NRXN1: variants seen among roughly 807,000 people sequenced by gnomAD.
NRXN1 encodes the protein neurexin-1.
A neutral mutation model predicts 150.9 loss-of-function variants in NRXN1; 39 were observed. The observed-to-expected ratio is 0.26, with a 90% confidence interval of 0.20 to 0.34. The LOEUF (loss-of-function observed/expected upper bound fraction) is 0.34. Among genes scored for constraint, NRXN1 ranks in the 10% least tolerant of loss-of-function variants. NRXN1 has a pLI of 1.00. For missense variants in NRXN1, 1,815 were observed against 1,949.9 expected, an observed-to-expected ratio of 0.93 and a Z score of 1.30; for synonymous variants, 924 against 757.0, an observed-to-expected ratio of 1.22 and a Z score of -3.62.
intron 18 of NRXN1, among the ~76,000 whole-genome samples, chr2:50,153,823 C>T (rs924789520): frequency 1.1e-4 from 16 of 151,600 alleles, no homozygotes; most frequent in African/African-American, 1.7e-4. Flanking sequence ...ATGATGAGTC[C>T]CCACCTCTGT....
At position 50,485,413 on chromosome 2, in the gene NRXN1, T is replaced by C. The variant is rs80304543; in HGVS notation, c.3070+10492A>G. 5.6e-4 allele frequency among the ~76,000 whole-genome samples: 85 copies of C among 152,338 alleles called. 1 individual carries two copies. The highest frequency in any genetic ancestry group is 1.9e-3 in the African/African-American group (81 of 41,590). ...GTACTATGCAGTGAGTTTGTGCTCCTACATTCTAGCTCCAAGCCTAGCAAG... is the reference window on the plus strand; with the variant it reads ...GTACTATGCAGTGAGTTTGTGCTCCCACATTCTAGCTCCAAGCCTAGCAAG... On this transcript the variant is annotated intron_variant, in intron 15 of 22. Transcript: ENST00000401669.
intron 21 of NRXN1, among the ~76,000 whole-genome samples, chr2:50,006,234 C>G (rs1159136): frequency 0.47 from 71,666 of 151,940 alleles, 17,489 homozygotes; most frequent in Middle Eastern, 0.61. Context: ...CTTCCATTAC[C>G]CTAGTTCTAA....
At position 49,973,721 on chromosome 2, in the gene NRXN1, C is replaced by G; in HGVS notation, c.4129-29930G>C. 4 of 487,844 alleles carry G rather than the reference C, an allele frequency of 8.2e-6. No individual in the cohort carries two copies. In the South Asian group the frequency reaches 8.3e-5, roughly 10 times the overall value. 30.2% of individuals were successfully genotyped at this position (487,844 alleles called of 1,614,324 possible). ...ACAAAGCAGCAGACAAAACTAGAAG[C>G]AACCATGCTCAGGGTTTAAGGACAT... On this transcript the variant is annotated intron_variant, in intron 21 of 22. Transcript: ENST00000401669.
At chr2:50,310,459 C>T (rs1273627503) in intron 17 of NRXN1, among the ~76,000 whole-genome samples, 1 of 152,134 alleles carries the variant, frequency 6.6e-6, no homozygotes, top group Non-Finnish European at 1.5e-5. Context: ...ATTACTGCAT[C>T]CCCTACTTTG....
At chr2:50,685,224 T>G (rs2104830832) in intron 5 of NRXN1, among the ~76,000 whole-genome samples, 1 of 152,318 alleles carries the variant, frequency 6.6e-6, no homozygotes, top group South Asian at 2.1e-4. Context: ...ATCCGCCTGT[T>G]TTTCTTTTGC....
At chr2:50,103,943 T>C (rs1701312584) in intron 18 of NRXN1, among the ~76,000 whole-genome samples, 1 of 152,024 alleles carries the variant, frequency 6.6e-6, no homozygotes, top group South Asian at 2.1e-4. Context: ...AAATGTCTCA[T>C]GTTCTGACCC....
intron 5 of NRXN1, among the ~76,000 whole-genome samples, chr2:50,899,925 G>GATCTT (rs1682656831): frequency 6.6e-6 from 1 of 152,048 alleles, no homozygotes; most frequent in Non-Finnish European, 1.5e-5. Flanking sequence ...AGACGTCATG[G>GATCTT]GAGATACAGA....
At chr2:50,143,818 G>A (rs183238616) in intron 18 of NRXN1, among the ~76,000 whole-genome samples, 18 of 151,864 alleles carry the variant, frequency 1.2e-4, no homozygotes, top group East Asian at 7.8e-4. Flanking sequence ...TTTGCCCAGC[G>A]TAATTGCTCA....
intron 5 of NRXN1, among the ~76,000 whole-genome samples, chr2:50,861,843 G>A (rs1306404162): frequency 1.3e-5 from 2 of 151,964 alleles, no homozygotes; most frequent in African/African-American, 2.4e-5. Flanking sequence ...TTCTCTAGCA[G>A]TTATAAGTGT....
intron 17 of NRXN1, among the ~76,000 whole-genome samples, chr2:50,445,018 T>C (rs1048244684): frequency 6.6e-6 from 1 of 152,302 alleles, no homozygotes; most frequent in East Asian, 1.9e-4. Flanking sequence ...ATAACTGGCA[T>C]GCAGGAAGCA....
intron 18 of NRXN1, among the ~76,000 whole-genome samples, chr2:50,164,570 C>T (rs1156515262): frequency 6.6e-6 from 1 of 152,150 alleles, no homozygotes; most frequent in Non-Finnish European, 1.5e-5. Context: ...TGTGACTTTT[C>T]CTGTTGCATT....
intron 17 of NRXN1, chr2:50,312,833 T>C: frequency 2.1e-6 from 1 of 479,624 alleles, no homozygotes; most frequent in South Asian, 1.5e-5. Context: ...CCACCCTCCA[T>C]TTCCTGATCA....
At chr2:50,182,533 T>C (rs76652081) in intron 18 of NRXN1, among the ~76,000 whole-genome samples, 1,692 of 152,196 alleles carry the variant, frequency 0.011, 38 homozygotes, top group African/African-American at 0.039. Flanking sequence ...GTTTATTCAA[T>C]GGAGGCATGA....
chr2:50,137,245 T>C (rs1706557837), intron 18 of NRXN1, among the ~76,000 whole-genome samples: 1 of 152,160 alleles, frequency 6.6e-6, no homozygotes, highest in Non-Finnish European at 1.5e-5. Context: ...CCTATGTTAA[T>C]TAAACTCAGC....
At chr2:50,776,804 A>G (rs990235680) in intron 5 of NRXN1, among the ~76,000 whole-genome samples, 1 of 152,008 alleles carries the variant, frequency 6.6e-6, no homozygotes, top group African/African-American at 2.4e-5. Context: ...AAAACTCTGA[A>G]AGAAATTTTA....
At chr2:50,496,851 C>T in intron 14 of NRXN1, among the ~76,000 whole-genome samples, 1 of 152,196 alleles carries the variant, frequency 6.6e-6, no homozygotes, top group South Asian at 2.1e-4. Flanking sequence ...ATTTTCCTCA[C>T]AGTTTTAAGG....
intron 17 of NRXN1, among the ~76,000 whole-genome samples, chr2:50,333,090 G>T (rs1182574952): frequency 1.3e-5 from 2 of 152,084 alleles, no homozygotes; most frequent in Non-Finnish European, 2.9e-5. Flanking sequence ...CCCTTTCAGT[G>T]TTTCTTTCCC....
chr2:50,519,084 G>A (rs2105105592), intron 12 of NRXN1, among the ~76,000 whole-genome samples: 1 of 151,946 alleles, frequency 6.6e-6, no homozygotes, highest in Admixed American at 6.6e-5. Context: ...ATGAATGGTA[G>A]CATCTCGTGT....
intron 9 of NRXN1, among the ~76,000 whole-genome samples, chr2:50,542,138 G>A (rs1219079959): frequency 3.3e-5 from 5 of 152,014 alleles, no homozygotes; most frequent in East Asian, 3.9e-4. Context: ...AAAATTAGCC[G>A]GGCACGGTGG....
Sources: allele counts gnomAD v4.1 joint callset (sites outside exome capture counted in the v4.1 genomes callset), GRCh38; gene constraint gnomAD v4.1.1; transcripts MANE v1.5; gene names NCBI Gene and HGNC (gene_info 2026-07-23, HGNC 2026-07-21).